CNTN5: variants seen among roughly 807,000 people sequenced by gnomAD.
The protein encoded by CNTN5 is contactin-5.
In CNTN5, 77 loss-of-function variants were observed where a neutral mutation model predicts 129.1. The ratio of observed to expected loss-of-function variants is 0.60; its 90% CI spans 0.50 to 0.72. CNTN5 has a LOEUF of 0.72. Ranked by LOEUF, CNTN5 falls within the 30% of genes least tolerant of loss-of-function variation. CNTN5 has a pLI of 0.00. For missense variants in CNTN5, 1,478 were observed against 1,328.8 expected (o/e 1.11, Z -1.75); for synonymous variants, 509 against 465.6 (o/e 1.09, Z -1.20).
At chr11:99,508,690 T>C (rs868089279) in intron 2 of CNTN5, among the ~76,000 whole-genome samples, 21 of 128,490 alleles carry the variant, frequency 1.6e-4, no homozygotes, top group Admixed American at 2.9e-4. Flanking sequence ...TTCTTTCTTT[T>C]TTTTTTGACA....
chr11:99,889,698 G>A (rs12418492), intron 6 of CNTN5, among the ~76,000 whole-genome samples: 1 of 151,718 alleles, frequency 6.6e-6, no homozygotes, highest in Admixed American at 6.6e-5. Context: ...GCCACGTCCA[G>A]CTAATTTTTA....
intron 3 of CNTN5, among the ~76,000 whole-genome samples, chr11:99,701,304 A>C (rs1203884784): frequency 6.6e-6 from 1 of 151,252 alleles, no homozygotes; most frequent in African/African-American, 2.4e-5. Flanking sequence ...CAGAAAGCTG[A>C]GTTTGGAGAA....
intron 2 of CNTN5, among the ~76,000 whole-genome samples, chr11:99,375,380 G>A (rs1565531646): frequency 6.7e-6 from 1 of 149,388 alleles, no homozygotes; most frequent in African/African-American, 2.5e-5. Flanking sequence ...AACAGTTACA[G>A]CAGGAGGAGT....
chr11:100,149,123 G>T (rs188445915), intron 13 of CNTN5, among the ~76,000 whole-genome samples: 3 of 152,302 alleles, frequency 2.0e-5, no homozygotes, highest in Non-Finnish European at 4.4e-5. Flanking sequence ...ATGTGAAGCT[G>T]CTGGCTATGC....
At chr11:100,234,465 T>TAAA (rs916516805) in intron 16 of CNTN5, among the ~76,000 whole-genome samples, 2 of 151,932 alleles carry the variant, frequency 1.3e-5, no homozygotes, top group South Asian at 4.2e-4. Context: ...TATACAGCCG[T>TAAA]AAAAAAAGAT....
intron 6 of CNTN5, among the ~76,000 whole-genome samples, chr11:99,898,213 C>T (rs1309874506): frequency 6.6e-6 from 1 of 151,676 alleles, no homozygotes; most frequent in Admixed American, 6.6e-5. Context: ...AGAAAAAATA[C>T]TAGAGCAGAA....
intron 1 of CNTN5, among the ~76,000 whole-genome samples, chr11:99,127,336 A>T (rs17133115): frequency 0.18 from 27,178 of 152,118 alleles, 2,929 homozygotes; most frequent in East Asian, 0.41. Flanking sequence ...TCAGCCACAA[A>T]CCTGGATGTC....
At chr11:100,343,999 T>C (rs1001756267) in intron 23 of CNTN5, among the ~76,000 whole-genome samples, 7 of 152,112 alleles carry the variant, frequency 4.6e-5, no homozygotes, top group African/African-American at 1.7e-4. Context: ...CCTAGGATTC[T>C]TGGAACATTT....
chr11:100,333,968 G>A lies in CNTN5; in HGVS notation c.2731-6495G>A, dbSNP rs916977105. Among the ~76,000 whole-genome samples the A allele has an allele frequency of 9.9e-5, 15 of 152,158 alleles. No homozygotes were observed. The South Asian group carries it at 1.7e-3, about 17-fold the overall frequency. On this transcript the variant is annotated intron_variant, in intron 21 of 24. Transcript: ENST00000524871. Reference sequence around the variant, plus strand: ...TTAAACTAAAAAGCTTCTGCACAGCGATAGAAATAATCAGCAGAGTTAACA... The same window carrying A: ...TTAAACTAAAAAGCTTCTGCACAGCAATAGAAATAATCAGCAGAGTTAACA...
intron 3 of CNTN5, among the ~76,000 whole-genome samples, chr11:99,680,422 CTAAATCTA>C (rs1953499425): frequency 6.6e-6 from 1 of 152,088 alleles, no homozygotes; most frequent in Non-Finnish European, 1.5e-5. Flanking sequence ...AAAAGTTAGG[CTAAATCTA>C]TTCTTCCTCT....
intron 6 of CNTN5, among the ~76,000 whole-genome samples, chr11:99,863,206 G>A (rs139839942): frequency 1.8e-3 from 274 of 152,130 alleles, no homozygotes; most frequent in African/African-American, 5.8e-3. Flanking sequence ...CCGTCAAACT[G>A]GAGCCCAATA....
intron 1 of CNTN5, among the ~76,000 whole-genome samples, chr11:99,283,221 A>G (rs1483602648): frequency 1.3e-5 from 2 of 152,146 alleles, no homozygotes; most frequent in African/African-American, 4.8e-5. Flanking sequence ...TAAAGTATTT[A>G]CAAATGGTTT....
intron 1 of CNTN5, among the ~76,000 whole-genome samples, chr11:99,292,265 A>G (rs1864201901): frequency 6.7e-6 from 1 of 148,322 alleles, no homozygotes; most frequent in South Asian, 2.1e-4. Context: ...AAAAAAAAAC[A>G]CATAAAAAAC....
intron 23 of CNTN5, 82 bp downstream of exon 23, chr11:100,341,287 A>G (rs1952155649): frequency 2.0e-6 from 2 of 994,188 alleles, no homozygotes; most frequent in Non-Finnish European, 3.2e-6. Flanking sequence ...AAGGCATAAA[A>G]AGACCCATTA....
chr11:99,709,170 A>T (rs753083416), intron 3 of CNTN5, among the ~76,000 whole-genome samples: 1 of 151,866 alleles, frequency 6.6e-6, no homozygotes, highest in East Asian at 1.9e-4. Context: ...TTATTTGTTT[A>T]AAATGTTCCC....
chr11:99,872,091 G>A (rs1359942795), intron 6 of CNTN5, among the ~76,000 whole-genome samples: 1 of 151,848 alleles, frequency 6.6e-6, no homozygotes, highest in Non-Finnish European at 1.5e-5. Flanking sequence ...ATTGACCATT[G>A]CCTGTCATCT....
chr11:99,753,449 T>G (rs1415505605), intron 3 of CNTN5, among the ~76,000 whole-genome samples: 1 of 151,532 alleles, frequency 6.6e-6, no homozygotes, highest in Admixed American at 6.6e-5. Flanking sequence ...GTTTTCACCC[T>G]AAACACTGCG....
At chr11:99,791,253 C>T (rs1945732112) in intron 3 of CNTN5, among the ~76,000 whole-genome samples, 1 of 151,960 alleles carries the variant, frequency 6.6e-6, no homozygotes, top group Admixed American at 6.6e-5. Flanking sequence ...CCTAGGTTAT[C>T]TTCCAGGGTT....
At chr11:100,335,047 T>C (rs924634236) in intron 21 of CNTN5, among the ~76,000 whole-genome samples, 1 of 151,672 alleles carries the variant, frequency 6.6e-6, no homozygotes, top group South Asian at 2.1e-4. Flanking sequence ...ATAGCAAATG[T>C]ACTATTCTGG....
Sources: gnomAD v4.1 joint callset for allele counts (sites outside exome capture counted in the v4.1 genomes callset) on GRCh38, gnomAD v4.1.1 for gene constraint, MANE v1.5 for transcripts, NCBI Gene and HGNC (gene_info 2026-07-23, HGNC 2026-07-21) for gene names.